The following DOCK2 variants were observed in gnomAD, a reference collection of about 807,000 sequenced individuals.
DOCK2 encodes dedicator of cytokinesis 2.
In DOCK2, 87 loss-of-function variants were observed where a neutral mutation model predicts 248.9. The ratio of observed to expected loss-of-function variants is 0.35; its 90% confidence interval spans 0.29 to 0.42. The LOEUF (loss-of-function observed/expected upper bound fraction) is 0.42. Among genes scored for constraint, DOCK2 ranks in the 10% least tolerant of loss-of-function variants. The pLI is 1.00. For missense variants in DOCK2, 1,747 were observed against 2,300.2 expected (o/e 0.76, Z 4.92); for synonymous variants, 805 against 821.6 (o/e 0.98, Z 0.35).
intron 27 of DOCK2, among the ~76,000 whole-genome samples, chr5:169,975,417 C>T (rs1378453177): frequency 6.6e-6 from 1 of 152,172 alleles, no homozygotes; most frequent in African/African-American, 2.4e-5. Flanking sequence ...GCACTGATCC[C>T]ATGGGCCTCC....
chr5:169,745,150 T>C (rs1427540144), intron 22 of DOCK2, among the ~76,000 whole-genome samples: 2 of 152,166 alleles, frequency 1.3e-5, no homozygotes, highest in African/African-American at 4.8e-5. Flanking sequence ...CTGGTGGCTG[T>C]GGGCACAAAG....
Position 170,078,957 on chromosome 5 carries a change from GC to G in DOCK2, c.4995-14del. 1 of 1,612,608 alleles carries G rather than the reference GC, an allele frequency of 6.2e-7. No homozygotes were observed. Among genetic ancestry groups the G allele is most frequent in the African/African-American group, 1.3e-5 (1 of 74,982 alleles). On this transcript the variant is annotated splice_polypyrimidine_tract_variant and intron_variant, in intron 48 of 51. Transcript: ENST00000520908. ...AGCTCTAACTGCAGTTTCTATTGCT[GC>G]CCCTCTGGCCTTTCAGCTTTGACCT...
At chr5:169,991,868 T>C (rs949886875) in intron 29 of DOCK2, among the ~76,000 whole-genome samples, 3 of 152,250 alleles carry the variant, frequency 2.0e-5, no homozygotes, top group African/African-American at 7.2e-5. Flanking sequence ...CTCAGTTTCC[T>C]CTTATGTTTA....
intron 23 of DOCK2, among the ~76,000 whole-genome samples, chr5:169,756,382 C>G (rs1288508221): frequency 6.6e-6 from 1 of 152,224 alleles, no homozygotes; most frequent in African/African-American, 2.4e-5. Flanking sequence ...GGGTTTGTTT[C>G]TGTGCATGTT....
rs1758707060 is a variant in DOCK2, at chr5:169,666,052, T to TG, written c.128-3236_128-3235insG. Among the ~76,000 whole-genome samples, 8 of 152,348 alleles carry TG rather than the reference T, an allele frequency of 5.3e-5. No individual in the cohort carries two copies. In the Middle Eastern group the frequency reaches 0.01, roughly 194 times the overall value. On this transcript the variant is annotated intron_variant, in intron 2 of 51. Transcript: ENST00000520908. Reference sequence around the variant, plus strand: ...CAGGCTACTGTGTATCATAAACTGCTTAAATAAGAGGAATTTATTCCTCAT... The same window carrying TG: ...CAGGCTACTGTGTATCATAAACTGCTGTAAATAAGAGGAATTTATTCCTCAT...
intron 27 of DOCK2, among the ~76,000 whole-genome samples, chr5:169,843,018 A>G (rs931801960): frequency 2.6e-5 from 4 of 152,104 alleles, no homozygotes; most frequent in African/African-American, 9.7e-5. Context: ...CATTAGCCCA[A>G]TCATTTTCAG....
At chr5:170,046,186 A>G (rs1412809465) in intron 39 of DOCK2, among the ~76,000 whole-genome samples, 1 of 152,248 alleles carries the variant, frequency 6.6e-6, no homozygotes, top group Non-Finnish European at 1.5e-5. Flanking sequence ...TGCAGCCCCA[A>G]TAAACGCTGT....
chr5:170,060,965 G>C (rs934741557), intron 44 of DOCK2, among the ~76,000 whole-genome samples: 1 of 152,090 alleles, frequency 6.6e-6, no homozygotes, highest in Non-Finnish European at 1.5e-5. Context: ...GGGAGGCGGA[G>C]GTTGCAGTGA....
At chr5:169,820,350 C>T (rs1487072823) in intron 26 of DOCK2, among the ~76,000 whole-genome samples, 4 of 152,210 alleles carry the variant, frequency 2.6e-5, no homozygotes, top group Non-Finnish European at 5.9e-5. Context: ...CCCCAAGTAG[C>T]CTAACTGGGA....
intron 27 of DOCK2, among the ~76,000 whole-genome samples, chr5:169,920,310 G>C (rs994188715): frequency 6.6e-6 from 1 of 152,166 alleles, no homozygotes; most frequent in Non-Finnish European, 1.5e-5. Flanking sequence ...TATGTAAGAT[G>C]TAATTATATG....
intron 11 of DOCK2, among the ~76,000 whole-genome samples, chr5:169,698,966 T>G (rs1427971930): frequency 6.6e-6 from 1 of 151,674 alleles, no homozygotes; most frequent in African/African-American, 2.4e-5. Flanking sequence ...CCAAAAGGAG[T>G]CTTCCAGAAA....
intron 44 of DOCK2, among the ~76,000 whole-genome samples, chr5:170,065,098 G>T (rs1045043929): frequency 1.4e-4 from 22 of 152,122 alleles, no homozygotes; most frequent in Admixed American, 2.6e-4. Context: ...CATGTAAATT[G>T]TGACATCTGA....
chr5:169,759,345 A>G (rs1044309306), intron 23 of DOCK2, among the ~76,000 whole-genome samples: 1 of 152,230 alleles, frequency 6.6e-6, no homozygotes, highest in African/African-American at 2.4e-5. Context: ...CCTTCAGAAT[A>G]CATATAACTT....
intron 21 of DOCK2, 130 bp from the exon 22 acceptor site, chr5:169,718,527 C>A: frequency 1.1e-6 from 1 of 918,856 alleles, no homozygotes; most frequent in Non-Finnish European, 1.5e-6. Flanking sequence ...TATCTTTATG[C>A]TTACAAATGA....
rs7708088 is a variant in DOCK2, at chr5:169,932,016, C to A, written c.2800-51052C>A. 6.6e-4 allele frequency among the ~76,000 whole-genome samples: 101 copies of A among 152,348 alleles called. 1 individual carries two copies. Among genetic ancestry groups the A allele is most frequent in the African/African-American group, 2.3e-3 (96 of 41,578 alleles). ...GCTAGGAATACAGCCATAAGCCCAACAGAGTCCTGACCTCATGATGCTTAT... is the reference window on the plus strand; with the variant it reads ...GCTAGGAATACAGCCATAAGCCCAAAAGAGTCCTGACCTCATGATGCTTAT... On this transcript the variant is annotated intron_variant, in intron 27 of 51. Coordinates refer to ENST00000520908, the MANE Select transcript of DOCK2 (RefSeq NM_004946.3).
intron 6 of DOCK2, among the ~76,000 whole-genome samples, chr5:169,680,092 T>C (rs1459563250): frequency 6.6e-6 from 1 of 152,166 alleles, no homozygotes; most frequent in African/African-American, 2.4e-5. Context: ...CATATACTGC[T>C]CCTAAGCTCC....
At chr5:169,790,236 A>G (rs937944841) in intron 25 of DOCK2, among the ~76,000 whole-genome samples, 1 of 152,234 alleles carries the variant, frequency 6.6e-6, no homozygotes, top group African/African-American at 2.4e-5. Flanking sequence ...ATGGAATGCT[A>G]GCTGCTCATA....
intron 35 of DOCK2, among the ~76,000 whole-genome samples, chr5:170,035,053 T>C (rs1756275396): frequency 6.6e-6 from 1 of 152,142 alleles, no homozygotes; most frequent in African/African-American, 2.4e-5. Context: ...TAGAATGGAG[T>C]CACACTAATA....
chr5:169,644,534 G>A (rs1757340286), intron 1 of DOCK2, among the ~76,000 whole-genome samples: 1 of 152,030 alleles, frequency 6.6e-6, no homozygotes, highest in African/African-American at 2.4e-5. Flanking sequence ...GCTGCATCGA[G>A]GCCTTCCCTA....
Sources: gnomAD v4.1 joint callset for allele counts (sites outside exome capture counted in the v4.1 genomes callset) on GRCh38, gnomAD v4.1.1 for gene constraint, MANE v1.5 for transcripts, NCBI Gene and HGNC (gene_info 2026-07-23, HGNC 2026-07-21) for gene names.